The following LIPC variants were observed in gnomAD, a reference collection of about 807,000 sequenced individuals.
LIPC encodes hepatic triacylglycerol lipase.
Under a neutral mutation model 50.7 loss-of-function variants are expected in LIPC, and 44 were observed. The observed-to-expected ratio is 0.87, with a 90% CI of 0.68 to 1.11. The LOEUF (loss-of-function observed/expected upper bound fraction) is 1.11, where lower values mean the gene tolerates loss of function less well. LIPC is among the 50% of genes most tolerant of loss of function. The pLI, the probability that LIPC is intolerant of heterozygous loss-of-function variation, is 0.00. For missense variants in LIPC, 697 were observed against 648.2 expected (o/e 1.08, Z -0.82); for synonymous variants, 271 against 256.4 (o/e 1.06, Z -0.54).
intron 1 of LIPC, among the ~76,000 whole-genome samples, chr15:58,484,288 C>T (rs1397900394): frequency 6.6e-6 from 1 of 152,184 alleles, no homozygotes; most frequent in Non-Finnish European, 1.5e-5. Flanking sequence ...GTGTGCTAGG[C>T]ACCCTTCTGG....
At chr15:58,517,260 C>T (rs1892512554) in intron 1 of LIPC, among the ~76,000 whole-genome samples, 1 of 152,248 alleles carries the variant, frequency 6.6e-6, no homozygotes, top group South Asian at 2.1e-4. Context: ...TGTTTTGGTG[C>T]CAGCTTGCAC....
At chr15:58,551,641 C>T (rs772107217) in intron 6 of LIPC, among the ~76,000 whole-genome samples, 24 of 152,192 alleles carry the variant, frequency 1.6e-4, no homozygotes, top group African/African-American at 5.3e-4. Flanking sequence ...CTTGGGCCCC[C>T]AAAGCCTATT....
chr15:58,505,717 ACT>A (rs1177108099), intron 1 of LIPC, among the ~76,000 whole-genome samples: 1 of 151,776 alleles, frequency 6.6e-6, no homozygotes, highest in East Asian at 1.9e-4. Context: ...CAGTCCCCTC[ACT>A]CTTAGTCACC....
Position 58,548,537 on chromosome 15 carries a change from T to C in LIPC, c.1016T>C (p.Leu339Pro), listed in dbSNP as rs756818322. 6.3e-7 allele frequency: 1 copy of C among 1,597,510 alleles called. No individual in the cohort carries two copies. Among genetic ancestry groups the C allele is most frequent in the South Asian group, 1.1e-5 (1 of 88,946 alleles). The change falls in exon 6 of 9, where the codon CTC becomes CCC. Residue 339 changes from leucine to proline, a missense_variant. Transcript: ENST00000299022. ...GAGCCGCGGAGCAAGAGCAAGAGGCTCTTCCTCGTAACGCGAGCCCAGTCC... is the reference window on the plus strand; with the variant it reads ...GAGCCGCGGAGCAAGAGCAAGAGGCCCTTCCTCGTAACGCGAGCCCAGTCC... ...RQEPRSKSKR[L>P]FLVTRAQSPF...
chr15:58,445,916 G>A (rs1288007547), intron 1 of LIPC, among the ~76,000 whole-genome samples: 5 of 152,178 alleles, frequency 3.3e-5, no homozygotes, highest in South Asian at 2.1e-4. Flanking sequence ...ATACTCACCC[G>A]ATTCATATGC....
chr15:58,513,539 A>G (rs983207626), intron 1 of LIPC, among the ~76,000 whole-genome samples: 10 of 152,186 alleles, frequency 6.6e-5, no homozygotes, highest in African/African-American at 1.9e-4. Context: ...CCAGCCCCCT[A>G]AAAACAGACC....
intron 2 of LIPC, among the ~76,000 whole-genome samples, chr15:58,538,776 C>T (rs1386138561): frequency 6.6e-6 from 1 of 152,134 alleles, no homozygotes; most frequent in East Asian, 1.9e-4. Flanking sequence ...GCCACACAGC[C>T]CATTGGGGCC....
chr15:58,530,743 G>A (rs1595924195), intron 1 of LIPC, among the ~76,000 whole-genome samples: 1 of 152,170 alleles, frequency 6.6e-6, no homozygotes, highest in Non-Finnish European at 1.5e-5. Flanking sequence ...AGAACGTCCT[G>A]TAAATGGAAT....
At chr15:58,514,314 A>G (rs1309022559) in intron 1 of LIPC, among the ~76,000 whole-genome samples, 2 of 152,260 alleles carry the variant, frequency 1.3e-5, no homozygotes, top group Admixed American at 1.3e-4. Context: ...CAATGTCTAT[A>G]AGGCATTTGC....
At chr15:58,457,212 C>T (rs1894157865) in intron 1 of LIPC, among the ~76,000 whole-genome samples, 1 of 152,238 alleles carries the variant, frequency 6.6e-6, no homozygotes. Flanking sequence ...CGGGTTCAAG[C>T]ATTTCTCCTG....
intron 6 of LIPC, among the ~76,000 whole-genome samples, chr15:58,550,203 G>A (rs192687731): frequency 2.6e-5 from 4 of 152,304 alleles, no homozygotes; most frequent in East Asian, 1.9e-4. Context: ...GTCTGTTTAT[G>A]GGGATAAGAG....
At position 58,507,436 on chromosome 15, in the gene LIPC, G is replaced by C. The variant is rs187039536; in HGVS notation, c.89-30897G>C. 5.9e-4 allele frequency among the ~76,000 whole-genome samples: 90 copies of C among 152,290 alleles called. 1 individual carries two copies. The Middle Eastern group carries it at 0.01, about 17-fold the overall frequency. ...GCAAATAAGAAAATTCCTGTTCTTG[G>C]AATGTGATCAGTCATCTGCATAAGG... is the stretch of plus-strand genomic sequence containing the variant. On this transcript the variant is annotated intron_variant, in intron 1 of 8. Coordinates refer to ENST00000299022, the MANE Select transcript of LIPC (RefSeq NM_000236.3).
intron 1 of LIPC, among the ~76,000 whole-genome samples, chr15:58,460,061 G>T (rs1894283723): frequency 6.6e-6 from 1 of 152,220 alleles, no homozygotes; most frequent in African/African-American, 2.4e-5. Context: ...CAGCTTCCAA[G>T]CCCACGGTGG....
At chr15:58,522,934 C>A (rs577468085) in intron 1 of LIPC, 3 of 152,334 alleles carry the variant, frequency 2.0e-5, no homozygotes, top group Non-Finnish European at 4.4e-5. Flanking sequence ...ACATTCGTCA[C>A]TTTTGACACA....
At chr15:58,544,586 G>A (rs1893459320) in intron 4 of LIPC, among the ~76,000 whole-genome samples, 2 of 151,918 alleles carry the variant, frequency 1.3e-5, no homozygotes, top group African/African-American at 2.4e-5. Flanking sequence ...AGTAGAAACG[G>A]GGTTTTGTCA....
chr15:58,481,739 C>A (rs558411458), intron 1 of LIPC, among the ~76,000 whole-genome samples: 23 of 152,294 alleles, frequency 1.5e-4, no homozygotes, highest in African/African-American at 5.1e-4. Flanking sequence ...GCAGAGGTTA[C>A]GGTGAGCCGA....
At chr15:58,522,002 G>T (rs192483043) in intron 1 of LIPC, 6 of 152,110 alleles carry the variant, frequency 3.9e-5, no homozygotes, top group Admixed American at 3.3e-4. Flanking sequence ...GAGAGTTTGC[G>T]TCTTCATCAG....
chr15:58,448,994 AAAG>A (rs1200491797), intron 1 of LIPC, among the ~76,000 whole-genome samples: 7 of 152,260 alleles, frequency 4.6e-5, no homozygotes, highest in African/African-American at 1.4e-4. Flanking sequence ...AACTGTGAGA[AAAG>A]AAGCAGGAGA....
Position 58,542,539 on chromosome 15 carries a change from T to A in LIPC, c.462T>A (p.Ser154=). Residue 154 remains serine, a synonymous_variant, in exon 4 of 9, where the codon TCT becomes TCA. Coordinates refer to ENST00000299022, the MANE Select transcript of LIPC (RefSeq NM_000236.3). The part of the protein sequence containing the change: ...VAALLRWLEE[S]VQLSRSHVHL... ...ATCCCGCTGCTGTCTTCCAGGAATC[T>A]GTGCAACTCTCTCGAAGCCATGTTC... 6.2e-7 allele frequency: 1 copy of A among 1,607,042 alleles called. No homozygotes were observed. The highest frequency in any genetic ancestry group is 8.5e-7 in the Non-Finnish European group (1 of 1,173,674).
Sources: gnomAD v4.1 joint callset for allele counts (sites outside exome capture counted in the v4.1 genomes callset) on GRCh38, gnomAD v4.1.1 for gene constraint, MANE v1.5 for transcripts, NCBI Gene and HGNC (gene_info 2026-07-23, HGNC 2026-07-21) for gene names.